The following IPCEF1 variants were observed in gnomAD, a reference collection of about 807,000 sequenced individuals.
IPCEF1 encodes the protein interaction protein for cytohesin exchange factors 1.
Under a neutral mutation model 50.9 loss-of-function variants are expected in IPCEF1, and 31 were observed. The observed-to-expected ratio is 0.61, with a 90% CI of 0.46 to 0.82. The LOEUF is 0.82. IPCEF1 is among the 40% of genes least tolerant of loss of function. The pLI is 0.00. For synonymous variants in IPCEF1, 181 were observed against 192.0 expected, an observed-to-expected ratio of 0.94 and a Z score of 0.47; for missense variants, 458 against 514.0, an observed-to-expected ratio of 0.89 and a Z score of 1.05.
At chr6:154,162,134 A>T (rs1799076708) in intron 11 of IPCEF1, among the ~76,000 whole-genome samples, 1 of 152,172 alleles carries the variant, frequency 6.6e-6, no homozygotes, top group South Asian at 2.1e-4. Flanking sequence ...CTGTGCTCCT[A>T]GTAAAGGCCA....
intron 9 of IPCEF1, among the ~76,000 whole-genome samples, chr6:154,200,809 T>C (rs903193281): frequency 6.6e-6 from 1 of 152,156 alleles, no homozygotes; most frequent in African/African-American, 2.4e-5. Context: ...TACTCCTTAG[T>C]GCATGAAAAG....
intron 10 of IPCEF1, among the ~76,000 whole-genome samples, chr6:154,197,956 G>T (rs970257657): frequency 1.3e-5 from 2 of 152,064 alleles, no homozygotes; most frequent in Non-Finnish European, 2.9e-5. Context: ...TCCTATATCT[G>T]GAAGTCTCTT....
intron 1 of IPCEF1, among the ~76,000 whole-genome samples, chr6:154,295,188 A>G (rs1281831916): frequency 1.3e-5 from 2 of 151,436 alleles, no homozygotes; most frequent in Non-Finnish European, 2.9e-5. Flanking sequence ...ACAGAGTGAG[A>G]CACCATCTCA....
chr6:154,213,671 C>G (rs1246108136), intron 8 of IPCEF1, among the ~76,000 whole-genome samples: 1 of 152,160 alleles, frequency 6.6e-6, no homozygotes, highest in Non-Finnish European at 1.5e-5. Flanking sequence ...TAAATCCTCC[C>G]TCTTCTCAAC....
intron 1 of IPCEF1, among the ~76,000 whole-genome samples, chr6:154,333,595 T>G (rs1337170539): frequency 6.6e-6 from 1 of 151,328 alleles, no homozygotes; most frequent in African/African-American, 2.4e-5. Context: ...TATATACACA[T>G]ATATATGTAT....
chr6:154,273,793 G>A (rs546708647), intron 2 of IPCEF1, among the ~76,000 whole-genome samples: 1 of 113,964 alleles, frequency 8.8e-6, no homozygotes, highest in African/African-American at 3.4e-5. Flanking sequence ...TCCCTCTGTC[G>A]CCCAGGCTGG....
In IPCEF1 at chr6:154,189,934, A is replaced by T. The variant is rs1801717704; in HGVS notation, c.910+9734T>A. On this transcript the variant is annotated intron_variant, in intron 10 of 11. Coordinates refer to ENST00000367220, the MANE Select transcript of IPCEF1 (RefSeq NM_001130700.2). ...ACTCCAGCCTGGGCGACAGAGTAAG[A>T]CTCAGTCTCAAAAAAAAAAGAAACA... Among the ~76,000 whole-genome samples, 3 of 148,542 alleles carry T rather than the reference A, an allele frequency of 2.0e-5. No homozygotes were observed. The South Asian group carries it at 6.6e-4, about 33-fold the overall frequency.
At chr6:154,310,240 A>T (rs1248010795) in intron 1 of IPCEF1, among the ~76,000 whole-genome samples, 1 of 152,242 alleles carries the variant, frequency 6.6e-6, no homozygotes, top group African/African-American at 2.4e-5. Context: ...TCAAAAGAGG[A>T]CATATGATTG....
At chr6:154,198,071 T>C (rs1776764682) in intron 10 of IPCEF1, among the ~76,000 whole-genome samples, 1 of 152,148 alleles carries the variant, frequency 6.6e-6, no homozygotes, top group Non-Finnish European at 1.5e-5. Context: ...AGGCAATCAA[T>C]ATTCAATGAA....
chr6:154,238,922 G>A (rs115940382), intron 5 of IPCEF1, among the ~76,000 whole-genome samples: 1 of 148,462 alleles, frequency 6.7e-6, no homozygotes, highest in Admixed American at 6.7e-5. Flanking sequence ...CTATATTGTT[G>A]TTTTTTTTAA....
intron 11 of IPCEF1, among the ~76,000 whole-genome samples, chr6:154,166,546 C>T (rs1799450106): frequency 6.6e-6 from 1 of 152,206 alleles, no homozygotes; most frequent in African/African-American, 2.4e-5. Flanking sequence ...GTTCCTAATG[C>T]CTCCAGTAAT....
At chr6:154,167,273 C>T (rs553085673) in intron 11 of IPCEF1, among the ~76,000 whole-genome samples, 1 of 152,340 alleles carries the variant, frequency 6.6e-6, no homozygotes, top group South Asian at 2.1e-4. Flanking sequence ...TTATGAAGAA[C>T]CATTTCAGCT....
intron 2 of IPCEF1, among the ~76,000 whole-genome samples, chr6:154,281,602 C>T (rs1399066781): frequency 6.6e-6 from 1 of 152,164 alleles, no homozygotes; most frequent in African/African-American, 2.4e-5. Context: ...TGACTCACGC[C>T]TGTAATCCCA....
At chr6:154,213,746 A>G (rs1055861912) in intron 8 of IPCEF1, among the ~76,000 whole-genome samples, 3 of 152,188 alleles carry the variant, frequency 2.0e-5, no homozygotes, top group African/African-American at 7.2e-5. Flanking sequence ...AAAGCTACCG[A>G]CTGAGCTAAA....
At chr6:154,243,118 C>T (rs901542116) in intron 5 of IPCEF1, among the ~76,000 whole-genome samples, 1 of 152,114 alleles carries the variant, frequency 6.6e-6, no homozygotes, top group African/African-American at 2.4e-5. Context: ...AGCCAGCCCA[C>T]GTGCTAACAG....
At chr6:154,247,950 A>C (rs1468748046) in intron 3 of IPCEF1, among the ~76,000 whole-genome samples, 1 of 152,224 alleles carries the variant, frequency 6.6e-6, no homozygotes, top group African/African-American at 2.4e-5. Context: ...TTGACTATTC[A>C]GCTCATAGTC....
chr6:154,238,680 C>T (rs1228149457), intron 5 of IPCEF1, among the ~76,000 whole-genome samples: 1 of 152,014 alleles, frequency 6.6e-6, no homozygotes, highest in African/African-American at 2.4e-5. Context: ...GCACATACTA[C>T]TGTATAACCT....
chr6:154,350,305 G>A (rs143198787), intron 1 of IPCEF1, among the ~76,000 whole-genome samples: 8 of 152,216 alleles, frequency 5.3e-5, no homozygotes, highest in African/African-American at 1.2e-4. Flanking sequence ...CCAAATAGAC[G>A]CTGATGTTCC....
At chr6:154,171,794 A>G (rs1799893182) in intron 10 of IPCEF1, among the ~76,000 whole-genome samples, 1 of 152,242 alleles carries the variant, frequency 6.6e-6, no homozygotes, top group South Asian at 2.1e-4. Flanking sequence ...GAAGGGGGGC[A>G]TTAGGATTGA....
Sources: allele counts gnomAD v4.1 joint callset (sites outside exome capture counted in the v4.1 genomes callset), GRCh38; gene constraint gnomAD v4.1.1; transcripts MANE v1.5; gene names NCBI Gene and HGNC (gene_info 2026-07-23, HGNC 2026-07-21).